The following NYAP2 variants were observed in gnomAD, a reference collection of about 807,000 sequenced individuals.
NYAP2 encodes neuronal tyrosine-phosphorylated phosphoinositide-3-kinase adaptor 2.
In NYAP2, 23 loss-of-function variants were observed where a neutral mutation model predicts 50.4. The observed-to-expected ratio is 0.46, with a 90% CI of 0.33 to 0.65. NYAP2 has a LOEUF of 0.65. NYAP2 is among the 30% of genes least tolerant of loss of function. The pLI, the probability that NYAP2 is intolerant of heterozygous loss-of-function variation, is 0.02. For missense variants in NYAP2, 885 were observed against 861.0 expected (o/e 1.03, Z -0.35); for synonymous variants, 394 against 365.2 (o/e 1.08, Z -0.90).
chr2:225,564,223 C>G (rs762571817), intron 4 of NYAP2, among the ~76,000 whole-genome samples: 5 of 151,932 alleles, frequency 3.3e-5, no homozygotes, highest in Non-Finnish European at 7.4e-5. Context: ...AGAGCCCTGT[C>G]TCTGAGATAA....
intron 4 of NYAP2, among the ~76,000 whole-genome samples, chr2:225,577,532 G>T (rs1249060354): frequency 6.6e-6 from 1 of 151,834 alleles, no homozygotes; most frequent in Non-Finnish European, 1.5e-5. Context: ...CTGAAATTTT[G>T]TACTTTTCTT....
intron 5 of NYAP2, among the ~76,000 whole-genome samples, chr2:225,620,729 A>C (rs1390572808): frequency 2.0e-5 from 3 of 152,166 alleles, no homozygotes; most frequent in African/African-American, 4.8e-5. Context: ...AAAACAAAGA[A>C]GAAGAGAAAA....
the NYAP2 span, among the ~76,000 whole-genome samples, chr2:225,688,832 T>C: frequency 6.6e-6 from 1 of 152,204 alleles, no homozygotes; most frequent in Admixed American, 6.5e-5. Flanking sequence ...AACCTCTGCC[T>C]CCTGGGCTTA....
chr2:225,544,390 T>C (rs1438760313), intron 4 of NYAP2, among the ~76,000 whole-genome samples: 3 of 151,978 alleles, frequency 2.0e-5, no homozygotes, highest in African/African-American at 4.8e-5. Context: ...TTTCTCGTGG[T>C]AGGATTAAAT....
At position 225,582,608 on chromosome 2, in the gene NYAP2, G is replaced by A. The variant is rs1260921659; in HGVS notation, c.1191G>A (p.Gln397=). ...GCCATGCGAAACTGGAGAAAGAGCAGGCCGCGGCCCTGGGACCTGCCTCTG... is the reference window on the plus strand; with the variant it reads ...GCCATGCGAAACTGGAGAAAGAGCAAGCCGCGGCCCTGGGACCTGCCTCTG... The change falls in exon 5 of 7, where the codon CAG becomes CAA. Residue 397 remains glutamine (Q), a synonymous_variant. Coordinates refer to ENST00000636099, the Ensembl canonical transcript of NYAP2. This position sits in a 1 kb window ranked among gnomAD's most constrained non-coding sequence, Gnocchi z 7.0. 1 of 1,594,224 alleles carries A rather than the reference G, an allele frequency of 6.3e-7. No individual in the cohort carries two copies. Among genetic ancestry groups the A allele is most frequent in the East Asian group, 2.3e-5 (1 of 43,508 alleles).
Position 225,561,152 on chromosome 2 carries a change from GATAA to G in NYAP2, c.524-20784_524-20781del, listed in dbSNP as rs574904258. On this transcript the variant is annotated intron_variant, in intron 4 of 6. Coordinates refer to ENST00000636099, the Ensembl canonical transcript of NYAP2. ...GGCAGTTAGTGACAAGTGCTATGAA[GATAA>G]ATAAGTAATTAGGGGGACGACAGAC... Among the ~76,000 whole-genome samples, 88 of 152,120 alleles carry G rather than the reference GATAA, an allele frequency of 5.8e-4. No individual in the cohort carries two copies. In the South Asian group the frequency reaches 8.5e-3, roughly 15 times the overall value.
chr2:225,649,080 G>A (rs751212517), intron 6 of NYAP2, among the ~76,000 whole-genome samples: 2 of 152,144 alleles, frequency 1.3e-5, no homozygotes, highest in Non-Finnish European at 1.5e-5. Context: ...CACTATGCAC[G>A]TACTTGTGCA....
At chr2:225,454,260 G>C (rs537023486) in intron 3 of NYAP2, among the ~76,000 whole-genome samples, 1 of 152,300 alleles carries the variant, frequency 6.6e-6, no homozygotes, top group South Asian at 2.1e-4. Flanking sequence ...GAGCCCAGGA[G>C]ATTGAGGCTG....
chr2:225,665,605 T>C, the NYAP2 span, among the ~76,000 whole-genome samples: 1 of 148,836 alleles, frequency 6.7e-6, no homozygotes, highest in East Asian at 2.0e-4. Flanking sequence ...AAAAAAGAGT[T>C]GGAGACCAGC....
chr2:225,498,350 G>T (rs1251614794), intron 3 of NYAP2, among the ~76,000 whole-genome samples: 2 of 151,870 alleles, frequency 1.3e-5, no homozygotes, highest in Non-Finnish European at 2.9e-5. Context: ...AATAACTTGA[G>T]ATTTTTTTTT....
intron 4 of NYAP2, among the ~76,000 whole-genome samples, chr2:225,571,275 G>A (rs1383073403): frequency 6.6e-6 from 1 of 152,172 alleles, no homozygotes; most frequent in East Asian, 1.9e-4. Flanking sequence ...GGAGGACGGT[G>A]GCCCTCTTCT....
chr2:225,571,278 C>G (rs2106222070), intron 4 of NYAP2, among the ~76,000 whole-genome samples: 1 of 152,294 alleles, frequency 6.6e-6, no homozygotes, highest in African/African-American at 2.4e-5. Context: ...GGACGGTGGC[C>G]CTCTTCTCAC....
chr2:225,614,684 G>A (rs1692956957), intron 5 of NYAP2, among the ~76,000 whole-genome samples: 1 of 152,094 alleles, frequency 6.6e-6, no homozygotes. Context: ...GAAACACAAG[G>A]ATCTAATATT....
intron 4 of NYAP2, among the ~76,000 whole-genome samples, chr2:225,517,776 A>G (rs142132465): frequency 9.2e-5 from 14 of 152,282 alleles, no homozygotes; most frequent in Non-Finnish European, 1.8e-4. Context: ...AAAGATATGC[A>G]CACCCACTTT....
intron 3 of NYAP2, among the ~76,000 whole-genome samples, chr2:225,470,032 C>G (rs1689987549): frequency 6.6e-6 from 1 of 151,956 alleles, no homozygotes; most frequent in Admixed American, 6.6e-5. Flanking sequence ...GCTAACGGGC[C>G]TAACACCTAA....
At chr2:225,518,995 G>C (rs144252347) in intron 4 of NYAP2, among the ~76,000 whole-genome samples, 1 of 151,986 alleles carries the variant, frequency 6.6e-6, no homozygotes, top group African/African-American at 2.4e-5. Context: ...CGAAGCCTGG[G>C]CGACTGAGTG....
At chr2:225,569,667 G>T (rs549726595) in intron 4 of NYAP2, among the ~76,000 whole-genome samples, 2 of 152,228 alleles carry the variant, frequency 1.3e-5, no homozygotes, top group South Asian at 2.1e-4. Flanking sequence ...TCATTGTCTC[G>T]TTTGATTTTC....
At chr2:225,474,808 C>T (rs1409769741) in intron 3 of NYAP2, among the ~76,000 whole-genome samples, 1 of 152,220 alleles carries the variant, frequency 6.6e-6, no homozygotes, top group Non-Finnish European at 1.5e-5. Context: ...TTATTTCTTT[C>T]TCCTGCCTGA....
chr2:225,526,624 G>T (rs1377651855), intron 4 of NYAP2, among the ~76,000 whole-genome samples: 1 of 152,134 alleles, frequency 6.6e-6, no homozygotes, highest in Non-Finnish European at 1.5e-5. Flanking sequence ...TTTTTGACAG[G>T]CTTGTCTACA....
Sources: gnomAD v4.1 joint callset for allele counts (sites outside exome capture counted in the v4.1 genomes callset) on GRCh38, gnomAD v4.1.1 for gene constraint, Gnocchi (gnomAD v3.1) non-coding constraint, MANE v1.5 for transcripts, NCBI Gene and HGNC (gene_info 2026-07-23, HGNC 2026-07-21) for gene names.